CTNNA2: variants seen among roughly 807,000 people sequenced by gnomAD.
CTNNA2 encodes the protein catenin alpha 2.
CTNNA2 carries 42 observed loss-of-function variants against 101.0 expected under a neutral mutation model. That is an observed-to-expected ratio of 0.42 (90% CI 0.32 to 0.54). CTNNA2 has a LOEUF of 0.54. Ranked by LOEUF, CTNNA2 falls within the 20% of genes least tolerant of loss-of-function variation. The probability of loss-of-function intolerance (pLI) is 0.14; values close to 1 mark genes in which losing one functional copy is unlikely to be tolerated. For synonymous variants in CTNNA2, 450 were observed against 456.4 expected (o/e 0.99, Z 0.18); for missense variants, 871 against 1,223.1 (o/e 0.71, Z 4.29).
At chr2:79,282,882 A>C (rs1311225213) in intron 2 of CTNNA2, among the ~76,000 whole-genome samples, 1 of 96,538 alleles carries the variant, frequency 1.0e-5, no homozygotes, top group Non-Finnish European at 2.4e-5. Flanking sequence ...CAACAGTGTA[A>C]AAGTGTTCCT....
At chr2:79,927,131 C>T (rs72918678) in intron 7 of CTNNA2, among the ~76,000 whole-genome samples, 6,835 of 151,812 alleles carry the variant, frequency 0.045, 531 homozygotes, top group African/African-American at 0.16. Flanking sequence ...TAAAGGACAT[C>T]GAATAGAGAA....
intron 6 of CTNNA2, among the ~76,000 whole-genome samples, chr2:79,889,055 A>G (rs1370489649): frequency 6.6e-6 from 1 of 152,142 alleles, no homozygotes; most frequent in Non-Finnish European, 1.5e-5. Context: ...AGTACTGCTA[A>G]TCTTTACTTC....
intron 3 of CTNNA2, among the ~76,000 whole-genome samples, chr2:79,804,736 G>T (rs1460016989): frequency 1.3e-5 from 2 of 152,114 alleles, no homozygotes; most frequent in African/African-American, 4.8e-5. Context: ...GAAAATTTTA[G>T]ACCATGGATT....
At chr2:80,067,805 G>A (rs1415402849) in intron 7 of CTNNA2, among the ~76,000 whole-genome samples, 2 of 152,136 alleles carry the variant, frequency 1.3e-5, no homozygotes, top group Non-Finnish European at 2.9e-5. Context: ...GCAAAGCTGT[G>A]CAGACTTCCA....
chr2:79,867,408 C>T (rs1682211933), intron 4 of CTNNA2, among the ~76,000 whole-genome samples: 1 of 151,864 alleles, frequency 6.6e-6, no homozygotes, highest in Non-Finnish European at 1.5e-5. Flanking sequence ...CCTATCCATC[C>T]ATCCATCTCC....
chr2:80,260,280 A>G (rs569598916), intron 7 of CTNNA2, among the ~76,000 whole-genome samples: 113 of 152,326 alleles, frequency 7.4e-4, no homozygotes, highest in African/African-American at 2.5e-3. Flanking sequence ...ATGTTCTTCC[A>G]TTAATCTGAC....
chr2:79,263,503 G>A (rs1303960119), intron 2 of CTNNA2, among the ~76,000 whole-genome samples: 2 of 152,128 alleles, frequency 1.3e-5, no homozygotes, highest in Non-Finnish European at 2.9e-5. Context: ...TGTACAGCCT[G>A]CAGAACCATG....
chr2:79,413,862 T>G (rs1365981449), intron 4 of CTNNA2, among the ~76,000 whole-genome samples: 6 of 148,016 alleles, frequency 4.1e-5, no homozygotes, highest in Non-Finnish European at 9.0e-5. Context: ...TTTGTATGTC[T>G]TTTTTGAGAA....
intron 2 of CTNNA2, among the ~76,000 whole-genome samples, chr2:79,729,014 G>T (rs1687038498): frequency 6.6e-6 from 1 of 152,108 alleles, no homozygotes; most frequent in Non-Finnish European, 1.5e-5. Context: ...GTAGCGTGAT[G>T]CTATATAAAA....
chr2:80,313,605 G>T (rs1358967702), intron 7 of CTNNA2: 4 of 1,611,386 alleles, frequency 2.5e-6, no homozygotes, highest in Non-Finnish European at 3.4e-6. Flanking sequence ...GGCAAAGTCT[G>T]TGAAAAAAAT....
intron 6 of CTNNA2, among the ~76,000 whole-genome samples, chr2:79,888,597 T>C (rs949949733): frequency 1.3e-5 from 2 of 152,132 alleles, no homozygotes; most frequent in Non-Finnish European, 2.9e-5. Context: ...TTTGAAGTAC[T>C]TTTTTTTATA....
chr2:79,831,863 T>A (rs377082246), intron 3 of CTNNA2, among the ~76,000 whole-genome samples: 2 of 88,464 alleles, frequency 2.3e-5, no homozygotes, highest in Admixed American at 1.1e-4. Flanking sequence ...CTCTAAATCG[T>A]TACAAATAAT....
chr2:79,733,386 T>C (rs1487904823), intron 2 of CTNNA2, among the ~76,000 whole-genome samples: 1 of 152,120 alleles, frequency 6.6e-6, no homozygotes, highest in African/African-American at 2.4e-5. Flanking sequence ...AAAGGCAGTG[T>C]CAGCTATGTG....
intron 7 of CTNNA2, among the ~76,000 whole-genome samples, chr2:79,927,466 A>G (rs1687101224): frequency 6.6e-6 from 1 of 152,166 alleles, no homozygotes; most frequent in South Asian, 2.1e-4. Flanking sequence ...AGTGGGAATG[A>G]AAAGGAGAAA....
chr2:79,268,375 A>C (rs964157309), intron 2 of CTNNA2, among the ~76,000 whole-genome samples: 11 of 152,130 alleles, frequency 7.2e-5, no homozygotes, highest in Non-Finnish European at 1.3e-4. Context: ...CCCATGGAGA[A>C]GGCATGGAAG....
chr2:80,238,003 A>T (rs945954616), intron 7 of CTNNA2, among the ~76,000 whole-genome samples: 2 of 151,896 alleles, frequency 1.3e-5, no homozygotes. Flanking sequence ...CACTCCCCTG[A>T]CGTGTCTCTT....
intron 3 of CTNNA2, among the ~76,000 whole-genome samples, chr2:79,327,150 C>G (rs1676765784): frequency 6.6e-6 from 1 of 152,154 alleles, no homozygotes; most frequent in Non-Finnish European, 1.5e-5. Flanking sequence ...ACTCTACTAT[C>G]TTTGGTAGCC....
chr2:80,075,522 A>C (rs1698618028), intron 7 of CTNNA2, among the ~76,000 whole-genome samples: 1 of 147,938 alleles, frequency 6.8e-6, no homozygotes, highest in Admixed American at 6.7e-5. Context: ...CATAGTCATC[A>C]AAAAATAACT....
chr2:80,287,248 A>C (rs1674848097), intron 7 of CTNNA2, among the ~76,000 whole-genome samples: 1 of 152,156 alleles, frequency 6.6e-6, no homozygotes, highest in African/African-American at 2.4e-5. Context: ...AAATAGAGAG[A>C]ATGATAGAAA....
Sources: gnomAD v4.1 joint callset for allele counts (sites outside exome capture counted in the v4.1 genomes callset) on GRCh38, gnomAD v4.1.1 for gene constraint, MANE v1.5 for transcripts, NCBI Gene and HGNC (gene_info 2026-07-23, HGNC 2026-07-21) for gene names.